The following PACRG variants were observed in gnomAD, a reference collection of about 807,000 sequenced individuals.
PACRG encodes the protein parkin coregulated gene protein.
In PACRG, 29 loss-of-function variants were observed where a neutral mutation model predicts 29.7. The ratio of observed to expected loss-of-function variants is 0.98; its 90% CI spans 0.73 to 1.33. The LOEUF is 1.33. PACRG is among the 40% of genes most tolerant of loss of function. The pLI, the probability that PACRG is intolerant of heterozygous loss-of-function variation, is 0.00. For synonymous variants in PACRG, 116 were observed against 118.7 expected (o/e 0.98, Z 0.15); for missense variants, 279 against 316.2 (o/e 0.88, Z 0.89).
At chr6:163,045,066 G>A (rs1441956605) in intron 2 of PACRG, among the ~76,000 whole-genome samples, 4 of 152,172 alleles carry the variant, frequency 2.6e-5, no homozygotes, top group African/African-American at 7.2e-5. Flanking sequence ...GGGAGCAGCC[G>A]TTGCGAAGGT....
intron 3 of PACRG, among the ~76,000 whole-genome samples, chr6:163,078,042 CAAAT>C (rs200751351): frequency 1.3e-5 from 2 of 152,164 alleles, no homozygotes; most frequent in East Asian, 1.9e-4. Flanking sequence ...TTCCCACTCT[CAAAT>C]AAATAAATAA....
chr6:163,128,798 C>A (rs1025173437), intron 4 of PACRG, among the ~76,000 whole-genome samples: 1 of 152,156 alleles, frequency 6.6e-6, no homozygotes, highest in Non-Finnish European at 1.5e-5. Flanking sequence ...GATTTGGAAT[C>A]CATTTACCGC....
chr6:163,064,430 G>A (rs1811359882), intron 3 of PACRG, among the ~76,000 whole-genome samples: 2 of 152,180 alleles, frequency 1.3e-5, no homozygotes, highest in Admixed American at 1.3e-4. Context: ...AACTAGATAT[G>A]AATTTGATGA....
intron 4 of PACRG, among the ~76,000 whole-genome samples, chr6:163,279,760 T>C (rs1010843685): frequency 6.6e-6 from 1 of 152,248 alleles, no homozygotes; most frequent in Non-Finnish European, 1.5e-5. Flanking sequence ...ATTATATCAA[T>C]GCTATGCTGG....
intron 2 of PACRG, among the ~76,000 whole-genome samples, chr6:162,871,871 T>TC (rs1491588969): frequency 6.6e-6 from 1 of 151,678 alleles, no homozygotes; most frequent in Non-Finnish European, 1.5e-5. Context: ...TGAGCTGAGA[T>TC]GTGCCACTGC....
rs144441105 is a variant in PACRG at position 163,142,735 on chromosome 6, G to A, written c.613+53327G>A. The stretch of plus-strand genomic sequence containing the variant: ...AAGTAGGACTGTCCTTGGAATGGAC[G>A]TGATCACTGTGTTCCCAGAGCCTTG... On this transcript the variant is annotated intron_variant, in intron 4 of 4. Coordinates refer to ENST00000366888, the MANE Select transcript of PACRG (RefSeq NM_001080379.2). Among the ~76,000 whole-genome samples the A allele has an allele frequency of 3.2e-3, 489 of 152,296 alleles. 2 individuals are homozygous for A. Among genetic ancestry groups the A allele is most frequent in the African/African-American group, 0.011 (460 of 41,550 alleles).
intron 4 of PACRG, among the ~76,000 whole-genome samples, chr6:163,239,389 G>A (rs754928584): frequency 1.3e-4 from 19 of 151,984 alleles, no homozygotes; most frequent in Non-Finnish European, 2.8e-4. Flanking sequence ...CTTGCCTGGC[G>A]TCTTGGTTTC....
chr6:162,793,500 A>G (rs990086215), intron 1 of PACRG, among the ~76,000 whole-genome samples: 6 of 152,100 alleles, frequency 3.9e-5, no homozygotes, highest in Non-Finnish European at 8.8e-5. Flanking sequence ...TCCTTGGAAT[A>G]TTGTCTTGTT....
At chr6:163,023,474 G>T (rs1467837842) in intron 2 of PACRG, among the ~76,000 whole-genome samples, 1 of 152,194 alleles carries the variant, frequency 6.6e-6, no homozygotes, top group Non-Finnish European at 1.5e-5. Context: ...CCACTCCACT[G>T]TTGATGGGCA....
intron 2 of PACRG, chr6:163,044,540 G>A (rs1164690586): frequency 1.3e-5 from 2 of 152,166 alleles, no homozygotes; most frequent in Non-Finnish European, 2.9e-5. Flanking sequence ...CACAAGTTGT[G>A]ATGCTAGTTG....
At chr6:163,206,487 G>A (rs905824712) in intron 4 of PACRG, among the ~76,000 whole-genome samples, 3 of 152,124 alleles carry the variant, frequency 2.0e-5, no homozygotes, top group African/African-American at 7.2e-5. Flanking sequence ...TCACTTATAA[G>A]TGGGAATAAA....
intron 1 of PACRG, among the ~76,000 whole-genome samples, chr6:162,812,551 C>A (rs894890667): frequency 3.3e-5 from 5 of 151,544 alleles, no homozygotes; most frequent in African/African-American, 9.7e-5. Flanking sequence ...TAGATGTTAC[C>A]ATCTACCTTT....
chr6:162,997,851 C>T (rs1804220078), intron 2 of PACRG, among the ~76,000 whole-genome samples: 1 of 152,170 alleles, frequency 6.6e-6, no homozygotes, highest in African/African-American at 2.4e-5. Context: ...CCCAATTTCT[C>T]TTGAGTTGTT....
intron 3 of PACRG, among the ~76,000 whole-genome samples, chr6:163,073,546 G>A (rs1008934057): frequency 4.6e-5 from 7 of 152,026 alleles, no homozygotes; most frequent in African/African-American, 1.7e-4. Context: ...AACAATACCT[G>A]ACAAGCACAG....
At chr6:163,290,201 C>T (rs1475650199) in intron 4 of PACRG, among the ~76,000 whole-genome samples, 4 of 152,060 alleles carry the variant, frequency 2.6e-5, no homozygotes, top group African/African-American at 9.7e-5. Flanking sequence ...CCAGAAGTCA[C>T]GGCCAATCCC....
intron 2 of PACRG, among the ~76,000 whole-genome samples, chr6:162,982,829 A>G (rs1802547874): frequency 6.6e-6 from 1 of 152,066 alleles, no homozygotes; most frequent in South Asian, 2.1e-4. Flanking sequence ...CATTTGTTAT[A>G]AGATATAGTT....
intron 2 of PACRG, among the ~76,000 whole-genome samples, chr6:162,825,560 TG>T (rs1788203832): frequency 6.6e-6 from 1 of 152,254 alleles, no homozygotes. Context: ...AATTTATATT[TG>T]TTTCTTAAAA....
At chr6:163,153,984 G>A (rs1382018668) in intron 4 of PACRG, among the ~76,000 whole-genome samples, 5 of 152,190 alleles carry the variant, frequency 3.3e-5, no homozygotes, top group Non-Finnish European at 7.3e-5. Context: ...CTAAGAGGAA[G>A]AACAGCGGTG....
chr6:162,954,749 G>C (rs986045418), intron 2 of PACRG, among the ~76,000 whole-genome samples: 1 of 152,098 alleles, frequency 6.6e-6, no homozygotes, highest in East Asian at 1.9e-4. Flanking sequence ...TGAGTATAGG[G>C]AAACAAAAAG....
Sources: allele counts gnomAD v4.1 joint callset (sites outside exome capture counted in the v4.1 genomes callset), GRCh38; gene constraint gnomAD v4.1.1; transcripts MANE v1.5; gene names NCBI Gene and HGNC (gene_info 2026-07-23, HGNC 2026-07-21).